Variants in ITPR2 observed in about 807,000 individuals in gnomAD.
ITPR2 encodes the protein inositol 1,4,5-trisphosphate-gated calcium channel ITPR2.
In ITPR2, 207 loss-of-function variants were observed where a neutral mutation model predicts 317.1. The ratio of observed to expected loss-of-function variants is 0.65; its 90% confidence interval spans 0.58 to 0.73. The LOEUF is 0.73. Among genes scored for constraint, ITPR2 ranks in the 30% least tolerant of loss-of-function variants. The pLI is 0.00. For synonymous variants in ITPR2, 1,156 were observed against 1,149.1 expected, an observed-to-expected ratio of 1.01 and a Z score of -0.12; for missense variants, 2,613 against 3,284.0, an observed-to-expected ratio of 0.80 and a Z score of 4.99.
At chr12:26,702,595 T>C (rs1458872410) in intron 9 of ITPR2, among the ~76,000 whole-genome samples, 1 of 151,934 alleles carries the variant, frequency 6.6e-6, no homozygotes, top group Non-Finnish European at 1.5e-5. Flanking sequence ...TGTGCCACCA[T>C]GCCCGGTTTA....
intron 1 of ITPR2, among the ~76,000 whole-genome samples, chr12:26,802,494 T>C (rs1369283434): frequency 2.6e-5 from 4 of 151,374 alleles, no homozygotes; most frequent in African/African-American, 9.7e-5. Context: ...TAAATTAATA[T>C]ACATATCCAA....
intron 10 of ITPR2, among the ~76,000 whole-genome samples, chr12:26,687,798 G>A (rs1948158025): frequency 6.6e-6 from 1 of 152,260 alleles, no homozygotes; most frequent in South Asian, 2.1e-4. Flanking sequence ...CACAGCACCA[G>A]GTAGCTCCCG....
intron 43 of ITPR2, 59 bp from the exon 44 acceptor site, chr12:26,477,066 C>T: frequency 9.1e-7 from 1 of 1,098,476 alleles, no homozygotes; most frequent in Non-Finnish European, 1.4e-6. Context: ...TTAACGATTT[C>T]TCTGCATTTG....
At chr12:26,607,990 G>A (rs561626932) in intron 26 of ITPR2, among the ~76,000 whole-genome samples, 4 of 152,070 alleles carry the variant, frequency 2.6e-5, no homozygotes, top group African/African-American at 2.4e-5. Context: ...GAGTGGTGGC[G>A]GGCACCTGTA....
intron 45 of ITPR2, among the ~76,000 whole-genome samples, chr12:26,464,881 T>C (rs893509382): frequency 1.3e-5 from 2 of 152,108 alleles, no homozygotes; most frequent in Admixed American, 6.5e-5. Flanking sequence ...GTGTCTGGGG[T>C]ATCTGAGTTG....
intron 37 of ITPR2, among the ~76,000 whole-genome samples, chr12:26,545,566 C>T (rs1219064292): frequency 2.6e-5 from 4 of 152,272 alleles, no homozygotes; most frequent in South Asian, 2.1e-4. Context: ...AAGCTCTTGA[C>T]TTTCAAAACT....
At chr12:26,775,273 G>A in intron 2 of ITPR2, among the ~76,000 whole-genome samples, 1 of 151,786 alleles carries the variant, frequency 6.6e-6, no homozygotes, top group African/African-American at 2.4e-5. Context: ...CATGAGGTTG[G>A]GAATTAGAAT....
In ITPR2 at chr12:26,784,319, G is replaced by GCCTCTC. The variant is rs1190707647; in HGVS notation, c.163+5832_163+5837dup. On this transcript the variant is annotated intron_variant, in intron 2 of 56. Coordinates refer to ENST00000381340, the MANE Select transcript of ITPR2 (RefSeq NM_002223.4). ...TCCCTCTCCCTCTCCCTCTCCCTCT[G>GCCTCTC]CCTCTCCCTCTCCCTCTCCCTCTCC... Among the ~76,000 whole-genome samples the GCCTCTC allele has an allele frequency of 3.5e-4, 11 of 31,694 alleles. 1 individual carries two copies. The highest frequency in any genetic ancestry group is 6.1e-4 in the African/African-American group (4 of 6,530). 20.8% of individuals were successfully genotyped at this position (31,694 alleles called of 152,430 possible). A position where few individuals can be genotyped will look rare whatever the true frequency, so the allele number is the denominator to read the frequency against.
At chr12:26,719,692 T>C (rs1473135250) in intron 5 of ITPR2, among the ~76,000 whole-genome samples, 1 of 152,210 alleles carries the variant, frequency 6.6e-6, no homozygotes. Context: ...CATGTTGGTG[T>C]GCTGCACCCA....
At chr12:26,635,760 T>G (rs1386804839) in intron 21 of ITPR2, among the ~76,000 whole-genome samples, 3 of 152,234 alleles carry the variant, frequency 2.0e-5, no homozygotes, top group Non-Finnish European at 4.4e-5. Context: ...AAACCTGCCC[T>G]TGCTGGAAAA....
At chr12:26,772,281 T>A (rs888438304) in intron 2 of ITPR2, among the ~76,000 whole-genome samples, 6 of 151,262 alleles carry the variant, frequency 4.0e-5, no homozygotes, top group African/African-American at 1.5e-4. Flanking sequence ...GCCATCTCAA[T>A]TAAGAAGCTT....
chr12:26,492,901 GTGTGTA>G (rs1455520712), intron 39 of ITPR2, among the ~76,000 whole-genome samples: 1 of 62,840 alleles, frequency 1.6e-5, no homozygotes, highest in East Asian at 3.0e-4. Flanking sequence ...CGATATGTGT[GTGTGTA>G]TGTGTGTGTG....
chr12:26,766,294 T>C (rs182798899), intron 2 of ITPR2, among the ~76,000 whole-genome samples: 12 of 151,946 alleles, frequency 7.9e-5, no homozygotes, highest in Admixed American at 7.9e-4. Flanking sequence ...CTTTTTATTA[T>C]CTGTTTTTTT....
intron 55 of ITPR2, among the ~76,000 whole-genome samples, chr12:26,379,735 C>T (rs1427972493): frequency 1.3e-5 from 2 of 152,134 alleles, no homozygotes; most frequent in Non-Finnish European, 2.9e-5. Context: ...CTTCAGTTGG[C>T]TTCTATTTTG....
intron 10 of ITPR2, among the ~76,000 whole-genome samples, chr12:26,691,256 A>C (rs1169096468): frequency 6.6e-6 from 1 of 152,222 alleles, no homozygotes; most frequent in African/African-American, 2.4e-5. Context: ...TCTTTATAAC[A>C]TGAAGACAAT....
In ITPR2 at chr12:26,421,756, T is replaced by G. The variant is rs1029026052; in HGVS notation, c.6946-2543A>C. The stretch of plus-strand genomic sequence containing the variant: ...GCTCTTCTGAGCTGGTGCTAAGAGG[T>G]TCCTCAAGTCAACACACAAATTTCA... On this transcript the variant is annotated intron_variant, in intron 49 of 56. Transcript: ENST00000381340. Among the ~76,000 whole-genome samples the G allele has an allele frequency of 2.0e-5, 3 of 148,102 alleles. No homozygotes were observed. In the East Asian group the frequency reaches 6.3e-4, roughly 31 times the overall value.
chr12:26,542,422 G>A (rs1944288717), intron 37 of ITPR2, among the ~76,000 whole-genome samples: 1 of 152,102 alleles, frequency 6.6e-6, no homozygotes, highest in Non-Finnish European at 1.5e-5. Flanking sequence ...TGGAATCCCA[G>A]GTCTCTTTCT....
intron 50 of ITPR2, among the ~76,000 whole-genome samples, 176 bp downstream of exon 50, chr12:26,418,873 A>T (rs1940803174): frequency 6.6e-6 from 1 of 152,180 alleles, no homozygotes; most frequent in Non-Finnish European, 1.5e-5. Flanking sequence ...GGTTTCCCAA[A>T]GAAAAAAGAT....
At chr12:26,367,912 A>G (rs145146955) in intron 55 of ITPR2, among the ~76,000 whole-genome samples, 117 of 152,310 alleles carry the variant, frequency 7.7e-4, no homozygotes, top group African/African-American at 2.8e-3. Flanking sequence ...GATGGCTGAC[A>G]TGGGTTGTTG....
Sources: gnomAD v4.1 joint callset for allele counts (sites outside exome capture counted in the v4.1 genomes callset) on GRCh38, gnomAD v4.1.1 for gene constraint, MANE v1.5 for transcripts, NCBI Gene and HGNC (gene_info 2026-07-23, HGNC 2026-07-21) for gene names.